IGSF10: variants seen among roughly 807,000 people sequenced by gnomAD.
IGSF10 encodes calvaria mechanical force protein 608.
A neutral mutation model predicts 128.2 loss-of-function variants in IGSF10; 126 were observed. The ratio of observed to expected loss-of-function variants is 0.98; its 90% CI spans 0.85 to 1.14. IGSF10 has a LOEUF of 1.14. Ranked by LOEUF, IGSF10 falls within the 50% of genes most tolerant of loss-of-function variation. IGSF10 has a pLI of 0.00. For synonymous variants in IGSF10, 1,185 were observed against 1,146.2 expected, an observed-to-expected ratio of 1.03 and a Z score of -0.68; for missense variants, 3,295 against 3,149.8, an observed-to-expected ratio of 1.05 and a Z score of -1.10.
At chr3:151,497,987 T>C in the IGSF10 span, among the ~76,000 whole-genome samples, 1 of 152,194 alleles carries the variant, frequency 6.6e-6, no homozygotes, top group Non-Finnish European at 1.5e-5. Flanking sequence ...CTGTTATTGG[T>C]GTATAAGAAT....
At chr3:151,493,836 T>G in the IGSF10 span, among the ~76,000 whole-genome samples, 1 of 124,292 alleles carries the variant, frequency 8.0e-6, no homozygotes, top group Non-Finnish European at 1.7e-5. Flanking sequence ...GTGTTTTGTT[T>G]TTGGTTTTTG....
the IGSF10 span, among the ~76,000 whole-genome samples, chr3:151,610,407 T>C: frequency 6.6e-6 from 1 of 152,178 alleles, no homozygotes; most frequent in Admixed American, 6.6e-5. Flanking sequence ...TGGATCAAGC[T>C]GTAGCTCACA....
At chr3:151,606,447 C>T in the IGSF10 span, among the ~76,000 whole-genome samples, 2 of 152,246 alleles carry the variant, frequency 1.3e-5, no homozygotes, top group Admixed American at 1.3e-4. Flanking sequence ...GAATGTCTCT[C>T]CAGAACTCTC....
intron 7 of IGSF10, among the ~76,000 whole-genome samples, chr3:151,442,328 T>C (rs2108539894): frequency 6.6e-6 from 1 of 151,984 alleles, no homozygotes; most frequent in African/African-American, 2.4e-5. Flanking sequence ...ATCATAAAAA[T>C]TCCCTTCTCT....
chr3:151,433,758 C>G (rs1366332804), downstream of IGSF10: 4 of 152,596 alleles, frequency 2.6e-5, no homozygotes, highest in Non-Finnish European at 5.9e-5. Context: ...CCAGAAGGCT[C>G]TGGTTTTCAT....
At chr3:151,533,039 A>C in the IGSF10 span, among the ~76,000 whole-genome samples, 1 of 113,796 alleles carries the variant, frequency 8.8e-6, no homozygotes, top group Non-Finnish European at 1.8e-5. Flanking sequence ...ACAGAGCCAA[A>C]TCATAAATGA....
chr3:151,602,525 G>A, the IGSF10 span, among the ~76,000 whole-genome samples: 4 of 152,266 alleles, frequency 2.6e-5, no homozygotes, highest in Non-Finnish European at 5.9e-5. Flanking sequence ...GATTGGTTTT[G>A]ATTGGCTTAT....
chr3:151,510,543 A>G, the IGSF10 span, among the ~76,000 whole-genome samples: 30 of 152,340 alleles, frequency 2.0e-4, no homozygotes, highest in Middle Eastern at 6.8e-3. Flanking sequence ...TGGAAACTCT[A>G]AAAATCAGAG....
At chr3:151,444,252 A>G (rs1213925536) in intron 6 of IGSF10, among the ~76,000 whole-genome samples, 1 of 152,184 alleles carries the variant, frequency 6.6e-6, no homozygotes, top group African/African-American at 2.4e-5. Flanking sequence ...CAGACCAAAA[A>G]AAAAAAATTA....
rs1721307855 is a variant in IGSF10 at position 151,448,118 on chromosome 3, G to T, written c.1863C>A (p.Asp621Glu). ...GNNVLYQSSRDKKVLNNGTLR... is the reference protein window; with the variant it reads ...GNNVLYQSSREKKVLNNGTLR... The stretch of plus-strand genomic sequence containing the variant: ...ATGTGCCATTGTTTAGAACTTTCTT[G>T]TCTCTTGATGACTGATAGAGCACAT... The change falls in exon 6 of 8, where the codon GAC (aspartate) becomes GAA (glutamate). Residue 621 changes from aspartate (D) to glutamate (E), a missense_variant. Transcript: ENST00000282466. 2 of 1,613,968 alleles carry T rather than the reference G, an allele frequency of 1.2e-6. No individual in the cohort carries two copies. The highest frequency in any genetic ancestry group is 1.7e-5 in the Admixed American group (1 of 60,002).
At chr3:151,474,757 A>T in the IGSF10 span, among the ~76,000 whole-genome samples, 3 of 152,188 alleles carry the variant, frequency 2.0e-5, no homozygotes, top group African/African-American at 7.2e-5. Context: ...ATGGCTGGGG[A>T]AGCCTCACAA....
chr3:151,458,467 G>A lies in IGSF10; in HGVS notation c.194+49C>T, dbSNP rs772000326. The A allele has an allele frequency of 5.0e-6, 7 of 1,403,354 alleles. No homozygotes were observed. In the African/African-American group the frequency reaches 9.9e-5, roughly 20 times the overall value. The allele number at this position is 1,403,354 out of a possible 1,614,324, so 86.9% of individuals were successfully genotyped here. A position where few individuals can be genotyped will look rare whatever the true frequency, so the allele number is the denominator to read the frequency against. The stretch of plus-strand genomic sequence containing the variant: ...ATAGATGTTTGAGGGACAAGTCACT[G>A]CTGCGACTGATCCCTCTTTGAGAAG... On this transcript the variant is annotated intron_variant, in intron 3 of 7. Coordinates refer to ENST00000282466, the MANE Select transcript of IGSF10 (RefSeq NM_178822.5).
the IGSF10 span, among the ~76,000 whole-genome samples, chr3:151,534,189 CTT>C: frequency 6.6e-6 from 1 of 152,176 alleles, no homozygotes; most frequent in Non-Finnish European, 1.5e-5. Flanking sequence ...AATAGAAACA[CTT>C]TTACACTGTT....
chr3:151,593,049 C>T, the IGSF10 span, among the ~76,000 whole-genome samples: 2 of 152,066 alleles, frequency 1.3e-5, no homozygotes, highest in East Asian at 1.9e-4. Flanking sequence ...ATTTGACAGA[C>T]GTTTAAACAC....
rs780641908 is a variant in IGSF10, at chr3:151,443,448, A to T, written c.5499T>A (p.Val1833=). Residue 1833 remains valine, a synonymous_variant, in exon 7 of 8, where the codon GTT becomes GTA. Transcript: ENST00000282466. ...GTGGTGCTGCAATGACTTGTATTTT[A>T]ACCAGCAGTGAATCCTGGCCACCTG... The part of the protein sequence containing the change: ...SNPGGQDSLL[V]KIQVIAAPPV... 1 of 1,614,212 alleles carries T rather than the reference A, an allele frequency of 6.2e-7. No individual in the cohort carries two copies.
At chr3:151,450,231 TG>T (rs1417109563) in intron 5 of IGSF10, among the ~76,000 whole-genome samples, 2 of 152,218 alleles carry the variant, frequency 1.3e-5, no homozygotes, top group Non-Finnish European at 2.9e-5. Context: ...GGCTGGTCAC[TG>T]GAATACTTGG....
chr3:151,578,034 G>T, the IGSF10 span, among the ~76,000 whole-genome samples: 1 of 152,254 alleles, frequency 6.6e-6, no homozygotes, highest in African/African-American at 2.4e-5. Context: ...AAGGATGGTG[G>T]TTTGTTTCAC....
the IGSF10 span, among the ~76,000 whole-genome samples, chr3:151,472,151 G>C: frequency 6.6e-6 from 1 of 152,126 alleles, no homozygotes; most frequent in South Asian, 2.1e-4. Flanking sequence ...TGTTTGACTT[G>C]TCAAAGCAAT....
chr3:151,468,948 T>C, the IGSF10 span, among the ~76,000 whole-genome samples: 1 of 152,236 alleles, frequency 6.6e-6, no homozygotes, highest in African/African-American at 2.4e-5. Flanking sequence ...CCATGTGTTC[T>C]CATTGTTCAG....
Sources: gnomAD v4.1 joint callset for allele counts (sites outside exome capture counted in the v4.1 genomes callset) on GRCh38, gnomAD v4.1.1 for gene constraint, MANE v1.5 for transcripts, NCBI Gene and HGNC (gene_info 2026-07-23, HGNC 2026-07-21) for gene names.